LRRC20: variants seen among roughly 807,000 people sequenced by gnomAD.
LRRC20 encodes the protein leucine rich repeat containing 20, also known as leucine-rich repeat-containing protein 20.
A neutral mutation model predicts 14.4 loss-of-function variants in LRRC20; 11 were observed. The observed-to-expected ratio is 0.77, with a 90% confidence interval of 0.48 to 1.27. The LOEUF (loss-of-function observed/expected upper bound fraction) is 1.27. Ranked by LOEUF, LRRC20 falls within the 50% of genes most tolerant of loss-of-function variation. The pLI is 0.00. For synonymous variants in LRRC20, 121 were observed against 107.3 expected (o/e 1.13, Z -0.79); for missense variants, 219 against 251.2 (o/e 0.87, Z 0.87).
At chr10:70,349,290 G>A (rs12253651) in intron 2 of LRRC20, among the ~76,000 whole-genome samples, 17,887 of 152,218 alleles carry the variant, frequency 0.12, 1,920 homozygotes, top group African/African-American at 0.28. Flanking sequence ...AAGTTAATAA[G>A]CGCAGGGCTG....
At chr10:70,345,531 T>C (rs951177844) in intron 2 of LRRC20, among the ~76,000 whole-genome samples, 7 of 151,968 alleles carry the variant, frequency 4.6e-5, no homozygotes. Context: ...CAGGGATCTG[T>C]AAATAGGATG....
At chr10:70,324,940 A>C (rs1842262027) in intron 3 of LRRC20, among the ~76,000 whole-genome samples, 1 of 152,162 alleles carries the variant, frequency 6.6e-6, no homozygotes, top group Admixed American at 6.5e-5. Context: ...TAACATCATA[A>C]TGCCTGTCTC....
intron 4 of LRRC20, among the ~76,000 whole-genome samples, chr10:70,305,341 AC>A (rs1841380626): frequency 6.6e-6 from 1 of 152,088 alleles, no homozygotes; most frequent in African/African-American, 2.4e-5. Context: ...TCTCTTCGAG[AC>A]CCTGCTTTCC....
intron 3 of LRRC20, among the ~76,000 whole-genome samples, chr10:70,332,381 C>T (rs964290722): frequency 3.3e-5 from 5 of 152,368 alleles, no homozygotes; most frequent in Non-Finnish European, 5.9e-5. Context: ...CAGTGGCTCA[C>T]GCCTGTAATC....
intron 2 of LRRC20, among the ~76,000 whole-genome samples, chr10:70,358,506 C>CCTCCTGAT (rs1843610267): frequency 6.6e-6 from 1 of 152,216 alleles, no homozygotes; most frequent in Admixed American, 6.5e-5. Context: ...AGTTGTTTGT[C>CCTCCTGAT]CTCCTGATCT....
chr10:70,345,483 T>A (rs755945039), intron 2 of LRRC20, among the ~76,000 whole-genome samples: 3 of 151,562 alleles, frequency 2.0e-5, no homozygotes, highest in African/African-American at 7.3e-5. Context: ...TAAAAAAATA[T>A]AAAACACTTA....
intron 3 of LRRC20, 76 bp downstream of exon 3, chr10:70,340,477 C>A: frequency 6.5e-7 from 1 of 1,549,724 alleles, no homozygotes; most frequent in Non-Finnish European, 8.9e-7. Flanking sequence ...GCTCTGGTGG[C>A]ACTCCCCAGA....
intron 2 of LRRC20, among the ~76,000 whole-genome samples, chr10:70,356,080 A>C (rs1343122497): frequency 1.3e-5 from 2 of 152,234 alleles, no homozygotes; most frequent in Non-Finnish European, 2.9e-5. Context: ...AGAGACCTAG[A>C]AAGCAATATC....
intron 4 of LRRC20, among the ~76,000 whole-genome samples, chr10:70,304,852 T>C (rs1347520444): frequency 6.6e-6 from 1 of 152,296 alleles, no homozygotes; most frequent in African/African-American, 2.4e-5. Flanking sequence ...ATCCACATTA[T>C]GGCACGTGGC....
chr10:70,343,575 A>C (rs1426313200), intron 2 of LRRC20, among the ~76,000 whole-genome samples: 4 of 152,222 alleles, frequency 2.6e-5, no homozygotes, highest in Admixed American at 2.6e-4. Context: ...CAAGCTCCCA[A>C]AAGTCAGGCT....
chr10:70,305,387 TG>T (rs1196076028), intron 4 of LRRC20, among the ~76,000 whole-genome samples: 1 of 152,132 alleles, frequency 6.6e-6, no homozygotes. Context: ...TATACCCAGA[TG>T]TATGAGACCC....
At chr10:70,380,028 ACCT>A (rs1049094174) in intron 1 of LRRC20, among the ~76,000 whole-genome samples, 2 of 152,026 alleles carry the variant, frequency 1.3e-5, no homozygotes, top group African/African-American at 4.8e-5. Flanking sequence ...ACTGGTGCTC[ACCT>A]CCTGCTGTGC....
At chr10:70,365,855 G>T (rs899263653) in intron 2 of LRRC20, among the ~76,000 whole-genome samples, 11 of 152,244 alleles carry the variant, frequency 7.2e-5, no homozygotes, top group African/African-American at 2.6e-4. Context: ...CGGATCACGA[G>T]GTCAGGAGAT....
intron 3 of LRRC20, among the ~76,000 whole-genome samples, chr10:70,325,460 C>G (rs1490897947): frequency 6.6e-6 from 1 of 152,178 alleles, no homozygotes; most frequent in Non-Finnish European, 1.5e-5. Flanking sequence ...TTCCATGTGT[C>G]TCAGGGTGGA....
intron 3 of LRRC20, among the ~76,000 whole-genome samples, chr10:70,328,593 G>A (rs1041903032): frequency 5.3e-5 from 8 of 152,132 alleles, no homozygotes; most frequent in Admixed American, 1.3e-4. Flanking sequence ...CACCATGCCC[G>A]GTCAGAAAAG....
chr10:70,372,646 G>A (rs952344235), intron 2 of LRRC20, among the ~76,000 whole-genome samples: 22 of 151,984 alleles, frequency 1.4e-4, no homozygotes, highest in Admixed American at 3.9e-4. Context: ...GTTTCACCAT[G>A]TTAGCCAGGA....
At chr10:70,335,668 A>G (rs957348803) in intron 3 of LRRC20, among the ~76,000 whole-genome samples, 5 of 152,228 alleles carry the variant, frequency 3.3e-5, no homozygotes, top group Admixed American at 2.0e-4. Context: ...CCAACCTCCC[A>G]GAACTCTTCC....
At chr10:70,315,924 A>G (rs1180560942) in intron 4 of LRRC20, among the ~76,000 whole-genome samples, 1 of 152,144 alleles carries the variant, frequency 6.6e-6, no homozygotes, top group African/African-American at 2.4e-5. Context: ...GCATCAGGCA[A>G]CAAACCCATT....
intron 3 of LRRC20, 23 bp from the exon 4 acceptor site, chr10:70,324,053 G>C: frequency 6.2e-7 from 1 of 1,612,364 alleles, no homozygotes; most frequent in Admixed American, 1.7e-5. Context: ...GGGAAGGAGA[G>C]AGAACAGGAT....
Sources: gnomAD v4.1 joint callset for allele counts (sites outside exome capture counted in the v4.1 genomes callset) on GRCh38, gnomAD v4.1.1 for gene constraint, MANE v1.5 for transcripts, NCBI Gene and HGNC (gene_info 2026-07-23, HGNC 2026-07-21) for gene names.